Variants in MBOAT4 observed in about 807,000 individuals in gnomAD.
The protein encoded by MBOAT4 is membrane-bound ghrelin O-acyltransferase MBOAT4.
MBOAT4 carries 11 observed loss-of-function variants against 13.2 expected under a neutral mutation model. The observed-to-expected ratio is 0.84, with a 90% CI of 0.53 to 1.38. The LOEUF is 1.38. Ranked by LOEUF, MBOAT4 falls within the 40% of genes most tolerant of loss-of-function variation. MBOAT4 has a pLI of 0.00. For missense variants in MBOAT4, 481 were observed against 527.2 expected (o/e 0.91, Z 0.86); for synonymous variants, 202 against 210.3 (o/e 0.96, Z 0.34).
chr8:30,135,171 C>T (rs769304935), intron 2 of MBOAT4, among the ~76,000 whole-genome samples: 32 of 151,536 alleles, frequency 2.1e-4, no homozygotes, highest in East Asian at 1.2e-3. Flanking sequence ...GGATTATAGG[C>T]GTGAGCCACT....
intron 1 of MBOAT4, among the ~76,000 whole-genome samples, chr8:30,143,432 A>G (rs1351717909): frequency 1.3e-5 from 2 of 151,620 alleles, no homozygotes; most frequent in Non-Finnish European, 2.9e-5. Context: ...TGTATTTGCG[A>G]CTTTTCAATT....
chr8:30,133,938 CA>C (rs1487661793), intron 2 of MBOAT4, among the ~76,000 whole-genome samples: 2 of 152,092 alleles, frequency 1.3e-5, no homozygotes, highest in Non-Finnish European at 2.9e-5. Flanking sequence ...AAAACTACCA[CA>C]AAAGACTGCA....
chr8:30,134,989 C>T (rs1430350002), intron 2 of MBOAT4, among the ~76,000 whole-genome samples: 2 of 152,294 alleles, frequency 1.3e-5, no homozygotes, highest in Admixed American at 1.3e-4. Flanking sequence ...AAGTGATCCT[C>T]CCACCTCTCC....
At chr8:30,132,997 T>C (rs1803060668) in intron 2 of MBOAT4, 91 bp from the exon 3 acceptor site, 1 of 1,299,824 alleles carries the variant, frequency 7.7e-7, no homozygotes, top group Non-Finnish European at 1.0e-6. Context: ...TCGCAGGAAA[T>C]AGATAGGTCT....
Position 30,132,914 on chromosome 8 carries a change from A to G in MBOAT4, c.345-8T>C. 6.7e-7 allele frequency: 1 copy of G among 1,497,602 alleles called. No individual in the cohort carries two copies. The highest frequency in any genetic ancestry group is 1.3e-5 in the South Asian group (1 of 76,540). The allele number at this position is 1,497,602 out of a possible 1,614,324, so 92.8% of individuals were successfully genotyped here. On this transcript the variant is annotated splice_region_variant and splice_polypyrimidine_tract_variant and intron_variant, in intron 2 of 2. Coordinates refer to ENST00000320542, the MANE Select transcript of MBOAT4 (RefSeq NM_001100916.2). Reference sequence around the variant, plus strand: ...GAAAGAGTGATGCAGAACCTGCAAGATAATTTTTTAAAGAACATAAAAACA... The same window carrying G: ...GAAAGAGTGATGCAGAACCTGCAAGGTAATTTTTTAAAGAACATAAAAACA...
chr8:30,140,200 C>A (rs1425517548), intron 1 of MBOAT4, among the ~76,000 whole-genome samples: 1 of 152,082 alleles, frequency 6.6e-6, no homozygotes, highest in Non-Finnish European at 1.5e-5. Flanking sequence ...CCATGCCTGG[C>A]TAATTTTTGT....
chr8:30,143,251 G>A (rs1258671753), intron 1 of MBOAT4, among the ~76,000 whole-genome samples: 1 of 151,970 alleles, frequency 6.6e-6, no homozygotes, highest in Non-Finnish European at 1.5e-5. Flanking sequence ...GGGAGGCTGA[G>A]GCAGGAGAAT....
chr8:30,140,383 C>T (rs939361934), intron 1 of MBOAT4, among the ~76,000 whole-genome samples: 4 of 152,022 alleles, frequency 2.6e-5, no homozygotes, highest in African/African-American at 4.8e-5. Flanking sequence ...CCATCGCGCC[C>T]GGCCACTGCA....
Position 30,138,722 on chromosome 8 carries a change from C to A in MBOAT4, c.154G>T (p.Ala52Ser). 1 of 1,550,110 alleles carries A rather than the reference C, an allele frequency of 6.5e-7. No homozygotes were observed. The highest frequency in any genetic ancestry group is 2.4e-5 in the East Asian group (1 of 40,906). ...GCGTAGGAACCCATGGCAGCCACGGCCAGGGCACCTCCTCCAGTCAGGAGA... is the reference window on the plus strand; with the variant it reads ...GCGTAGGAACCCATGGCAGCCACGGACAGGGCACCTCCTCCAGTCAGGAGA... ...LFLLTGGGALAVAAMGSYAVL... is the reference protein window; with the variant it reads ...LFLLTGGGALSVAAMGSYAVL... The change falls in exon 2 of 3, where the codon GCC (alanine) becomes TCC (serine). Residue 52 changes from alanine to serine, a missense_variant. Coordinates refer to ENST00000320542, the MANE Select transcript of MBOAT4 (RefSeq NM_001100916.2).
intron 1 of MBOAT4, among the ~76,000 whole-genome samples, chr8:30,141,348 G>A (rs1242265822): frequency 6.6e-6 from 1 of 152,066 alleles, no homozygotes; most frequent in East Asian, 1.9e-4. Context: ...GAAAAAGTGT[G>A]GAATAGCAGG....
At chr8:30,139,988 T>C (rs1375890105) in intron 1 of MBOAT4, among the ~76,000 whole-genome samples, 1 of 152,124 alleles carries the variant, frequency 6.6e-6, no homozygotes, top group Non-Finnish European at 1.5e-5. Flanking sequence ...TTGTTACAGT[T>C]TATTATATCC....
intron 2 of MBOAT4, among the ~76,000 whole-genome samples, chr8:30,136,813 G>T (rs149000616): frequency 0.024 from 3,638 of 149,906 alleles, 164 homozygotes; most frequent in African/African-American, 0.086. Context: ...TCAGCCTCCC[G>T]AGTAGCTGGG....
intron 2 of MBOAT4, among the ~76,000 whole-genome samples, chr8:30,133,862 T>G (rs1367529174): frequency 1.3e-5 from 2 of 151,252 alleles, no homozygotes; most frequent in Non-Finnish European, 2.9e-5. Flanking sequence ...AACAAAACAC[T>G]TCTGACAAAC....
chr8:30,133,636 G>T (rs1003558357), intron 2 of MBOAT4, among the ~76,000 whole-genome samples: 1 of 151,914 alleles, frequency 6.6e-6, no homozygotes, highest in African/African-American at 2.4e-5. Context: ...AAAGTTGTGG[G>T]AATAAAAATG....
chr8:30,134,339 C>T (rs1275978548), intron 2 of MBOAT4, among the ~76,000 whole-genome samples: 1 of 151,812 alleles, frequency 6.6e-6, no homozygotes, highest in African/African-American at 2.4e-5. Flanking sequence ...AGGAGAGTCA[C>T]TGGAACCTGG....
intron 2 of MBOAT4, among the ~76,000 whole-genome samples, chr8:30,133,843 GCAAAA>G (rs1456001998): frequency 2.0e-5 from 3 of 147,840 alleles, no homozygotes; most frequent in East Asian, 2.0e-4. Context: ...GTGTTAAAAA[GCAAAA>G]CAAAACAAAA....
At chr8:30,135,513 G>A (rs1431063641) in intron 2 of MBOAT4, among the ~76,000 whole-genome samples, 2 of 152,170 alleles carry the variant, frequency 1.3e-5, no homozygotes, top group African/African-American at 4.8e-5. Context: ...CACAATGTGT[G>A]CTGAGCCATT....
At chr8:30,140,594 C>T (rs1349133156) in intron 1 of MBOAT4, among the ~76,000 whole-genome samples, 2 of 152,186 alleles carry the variant, frequency 1.3e-5, no homozygotes, top group African/African-American at 2.4e-5. Flanking sequence ...CTTGCTACAA[C>T]AAAATGGGGT....
At chr8:30,136,183 G>A (rs1005429749) in intron 2 of MBOAT4, among the ~76,000 whole-genome samples, 1 of 152,132 alleles carries the variant, frequency 6.6e-6, no homozygotes, top group Admixed American at 6.5e-5. Context: ...CAGTACCTCA[G>A]AATGTGACTG....
Sources: allele counts gnomAD v4.1 joint callset (sites outside exome capture counted in the v4.1 genomes callset), GRCh38; gene constraint gnomAD v4.1.1; transcripts MANE v1.5; gene names NCBI Gene and HGNC (gene_info 2026-07-23, HGNC 2026-07-21).